Variants in NRXN1 observed in about 807,000 individuals in gnomAD.
The protein encoded by NRXN1 is neurexin-1.
In NRXN1, 39 loss-of-function variants were observed where a neutral mutation model predicts 150.9. The observed-to-expected ratio is 0.26, with a 90% CI of 0.20 to 0.34. The LOEUF (loss-of-function observed/expected upper bound fraction) is 0.34. Among genes scored for constraint, NRXN1 ranks in the 10% least tolerant of loss-of-function variants. The pLI, the probability that NRXN1 is intolerant of heterozygous loss-of-function variation, is 1.00. For synonymous variants in NRXN1, 924 were observed against 757.0 expected, an observed-to-expected ratio of 1.22 and a Z score of -3.62; for missense variants, 1,815 against 1,949.9, an observed-to-expected ratio of 0.93 and a Z score of 1.30.
At chr2:51,011,509 G>A (rs1049394467) in intron 2 of NRXN1, among the ~76,000 whole-genome samples, 9 of 152,010 alleles carry the variant, frequency 5.9e-5, no homozygotes, top group Non-Finnish European at 1.3e-4. Context: ...ATTTCACAGA[G>A]AAGGAGACCT....
intron 5 of NRXN1, among the ~76,000 whole-genome samples, chr2:50,641,988 G>A (rs1186111891): frequency 3.9e-5 from 6 of 152,036 alleles, no homozygotes; most frequent in African/African-American, 7.2e-5. Context: ...AGATTTCCCT[G>A]AATCAACATA....
At chr2:50,432,924 G>A (rs76031997) in intron 17 of NRXN1, among the ~76,000 whole-genome samples, 1,889 of 152,144 alleles carry the variant, frequency 0.012, 37 homozygotes, top group African/African-American at 0.044. Context: ...TCCCATCCCC[G>A]ATTTCCGATT....
intron 17 of NRXN1, among the ~76,000 whole-genome samples, chr2:50,373,679 A>AAAGAAGGAAGGAAAGAAAGAAAG (rs1553513456): frequency 2.4e-4 from 16 of 65,636 alleles, no homozygotes; most frequent in African/African-American, 8.4e-4. Flanking sequence ...AGAAAGAAAG[A>AAAGAAGGAAGGAAAGAAAGAAAG]AAAGAAAGAA....
intron 17 of NRXN1, among the ~76,000 whole-genome samples, chr2:50,351,718 C>G (rs1218713663): frequency 6.6e-6 from 1 of 152,094 alleles, no homozygotes; most frequent in East Asian, 1.9e-4. Flanking sequence ...TTCATATAAT[C>G]ATTACAAAAT....
At chr2:50,008,435 A>C (rs561815919) in intron 21 of NRXN1, among the ~76,000 whole-genome samples, 21 of 151,522 alleles carry the variant, frequency 1.4e-4, no homozygotes, top group Non-Finnish European at 2.9e-4. Flanking sequence ...GCAGGAATCC[A>C]ATGGACTGAA....
chr2:50,312,358 C>T (rs986924746), intron 17 of NRXN1, among the ~76,000 whole-genome samples: 1 of 151,322 alleles, frequency 6.6e-6, no homozygotes, highest in Non-Finnish European at 1.5e-5. Flanking sequence ...AAAAAGAAAA[C>T]AATTTTGCAG....
At chr2:50,138,296 G>T (rs1706715525) in intron 18 of NRXN1, among the ~76,000 whole-genome samples, 1 of 152,076 alleles carries the variant, frequency 6.6e-6, no homozygotes, top group East Asian at 1.9e-4. Flanking sequence ...GAATTTTGAT[G>T]AGTTGGGGGT....
At chr2:50,501,007 G>C (rs961834011) in intron 13 of NRXN1, among the ~76,000 whole-genome samples, 3 of 152,132 alleles carry the variant, frequency 2.0e-5, no homozygotes, top group African/African-American at 7.2e-5. Flanking sequence ...AAGAGGTTAA[G>C]GTTGTAATTA....
chr2:50,998,726 T>C (rs1309013877), intron 2 of NRXN1, among the ~76,000 whole-genome samples: 1 of 152,088 alleles, frequency 6.6e-6, no homozygotes, highest in African/African-American at 2.4e-5. Flanking sequence ...TTTTAATCTT[T>C]TGTCAGTCAA....
chr2:50,731,449 A>G (rs1236261517), intron 5 of NRXN1, among the ~76,000 whole-genome samples: 4 of 152,210 alleles, frequency 2.6e-5, no homozygotes, highest in African/African-American at 7.2e-5. Context: ...AGATTTTTAA[A>G]TCAGAGTCAG....
chr2:50,977,338 A>C (rs1163204440), intron 2 of NRXN1, among the ~76,000 whole-genome samples: 1 of 151,952 alleles, frequency 6.6e-6, no homozygotes, highest in Non-Finnish European at 1.5e-5. Flanking sequence ...GTCACATTTT[A>C]ATATGAGCAT....
rs557596596 is a variant in NRXN1 at position 50,643,428 on chromosome 2, T to G, written c.833-19813A>C. Among the ~76,000 whole-genome samples, 9 of 152,126 alleles carry G rather than the reference T, an allele frequency of 5.9e-5. No individual in the cohort carries two copies. In the South Asian group the frequency reaches 1.9e-3, roughly 31 times the overall value. On this transcript the variant is annotated intron_variant, in intron 5 of 22. Coordinates refer to ENST00000401669, the MANE Select transcript of NRXN1 (RefSeq NM_001330078.2). ...TTTTTATGTGTTTGTTCTTTAAACT[T>G]ATAAATCAGTTCCATCAGACTTTTT...
chr2:50,279,799 A>T (rs1480534746), intron 17 of NRXN1, among the ~76,000 whole-genome samples: 1 of 152,218 alleles, frequency 6.6e-6, no homozygotes, highest in African/African-American at 2.4e-5. Flanking sequence ...TAAGTGATTC[A>T]TAAATCATAA....
chr2:50,197,577 A>G (rs926084014), intron 18 of NRXN1, among the ~76,000 whole-genome samples: 8 of 151,998 alleles, frequency 5.3e-5, no homozygotes, highest in Non-Finnish European at 1.0e-4. Flanking sequence ...AAAAAGTTTT[A>G]TTTTTTATTA....
At chr2:50,968,960 T>C in intron 2 of NRXN1, among the ~76,000 whole-genome samples, 1 of 152,114 alleles carries the variant, frequency 6.6e-6, no homozygotes, top group Admixed American at 6.6e-5. Context: ...CTGGCCTATT[T>C]GTCTACTTCT....
At chr2:50,951,431 T>A (rs1691318946) in intron 2 of NRXN1, among the ~76,000 whole-genome samples, 1 of 152,208 alleles carries the variant, frequency 6.6e-6, no homozygotes, top group African/African-American at 2.4e-5. Flanking sequence ...ATAACTTGTG[T>A]ATAATTATCT....
Position 50,763,586 on chromosome 2 carries a change from T to C in NRXN1, c.833-139971A>G, listed in dbSNP as rs146036589. Among the ~76,000 whole-genome samples, 78 of 152,040 alleles carry C rather than the reference T, an allele frequency of 5.1e-4. 1 individual carries two copies. The East Asian group carries it at 0.015, about 29-fold the overall frequency. The stretch of plus-strand genomic sequence containing the variant: ...ATTAATTAGCTGAGAGCTTTTTATA[T>C]CTAGGAACCAAATTTCCACTTCTGC... On this transcript the variant is annotated intron_variant, in intron 5 of 22. Transcript: ENST00000401669.
At chr2:50,892,583 A>T (rs1574846744) in intron 5 of NRXN1, among the ~76,000 whole-genome samples, 1 of 152,186 alleles carries the variant, frequency 6.6e-6, no homozygotes, top group African/African-American at 2.4e-5. Flanking sequence ...CTAGCTTGAT[A>T]GTTGCAATTG....
intron 18 of NRXN1, among the ~76,000 whole-genome samples, chr2:50,151,190 CTT>C (rs1427960425): frequency 2.6e-5 from 4 of 151,716 alleles, no homozygotes; most frequent in Non-Finnish European, 5.9e-5. Context: ...CTTCACCACT[CTT>C]CTTTCCTCAG....
Sources: gnomAD v4.1 joint callset for allele counts (sites outside exome capture counted in the v4.1 genomes callset) on GRCh38, gnomAD v4.1.1 for gene constraint, MANE v1.5 for transcripts, NCBI Gene and HGNC (gene_info 2026-07-23, HGNC 2026-07-21) for gene names.